NUBPL: variants seen among roughly 807,000 people sequenced by gnomAD.
NUBPL encodes NUBP iron-sulfur cluster assembly factor, mitochondrial.
Under a neutral mutation model 45.7 loss-of-function variants are expected in NUBPL, and 31 were observed. That is an observed-to-expected ratio of 0.68 (90% CI 0.51 to 0.92). NUBPL has a LOEUF of 0.92. NUBPL is among the 40% of genes least tolerant of loss of function. The pLI is 0.00. For missense variants in NUBPL, 401 were observed against 398.7 expected (o/e 1.01, Z -0.05); for synonymous variants, 144 against 140.9 (o/e 1.02, Z -0.15).
At chr14:31,706,425 A>G (rs2037453892) in intron 6 of NUBPL, among the ~76,000 whole-genome samples, 1 of 152,222 alleles carries the variant, frequency 6.6e-6, no homozygotes, top group South Asian at 2.1e-4. Flanking sequence ...AAGAAGGTTA[A>G]AAATACAGGG....
chr14:31,825,009 G>C (rs1280327593), intron 7 of NUBPL, among the ~76,000 whole-genome samples: 1 of 152,084 alleles, frequency 6.6e-6, no homozygotes, highest in Non-Finnish European at 1.5e-5. Context: ...AAGAAAAATT[G>C]TGCTGCACTT....
At chr14:31,859,032 C>G (rs2040669638) in intron 10 of NUBPL, 86 bp from the exon 11 acceptor site, 2 of 1,117,864 alleles carry the variant, frequency 1.8e-6, no homozygotes, top group Admixed American at 1.8e-5. Flanking sequence ...CTATCAAATA[C>G]AGTGGGCCTC....
At chr14:31,766,211 A>T (rs1195569936) in intron 6 of NUBPL, among the ~76,000 whole-genome samples, 20 of 152,228 alleles carry the variant, frequency 1.3e-4, no homozygotes, top group Admixed American at 1.3e-3. Context: ...GGATTTTATG[A>T]GGAGACCAAT....
At chr14:31,824,975 C>T (rs1436676121) in intron 7 of NUBPL, among the ~76,000 whole-genome samples, 1 of 152,128 alleles carries the variant, frequency 6.6e-6, no homozygotes, top group Non-Finnish European at 1.5e-5. Flanking sequence ...CCAATCTTAA[C>T]CAGGCCTTTG....
chr14:31,733,470 A>G (rs1401619127), intron 6 of NUBPL, among the ~76,000 whole-genome samples: 2 of 152,166 alleles, frequency 1.3e-5, no homozygotes, highest in Non-Finnish European at 2.9e-5. Context: ...TGATCCATGA[A>G]TATTATATAT....
intron 7 of NUBPL, among the ~76,000 whole-genome samples, chr14:31,812,039 A>G (rs2039816037): frequency 6.6e-6 from 1 of 152,146 alleles, no homozygotes; most frequent in African/African-American, 2.4e-5. Context: ...ACCTGGCTGT[A>G]TGAGGTGTCA....
At chr14:31,734,516 T>C (rs1280744117) in intron 6 of NUBPL, among the ~76,000 whole-genome samples, 1 of 152,192 alleles carries the variant, frequency 6.6e-6, no homozygotes, top group Non-Finnish European at 1.5e-5. Context: ...CTCAAAAAAA[T>C]TTTTTCTTCA....
chr14:31,603,777 A>G (rs143208192), intron 4 of NUBPL, among the ~76,000 whole-genome samples: 37 of 152,354 alleles, frequency 2.4e-4, no homozygotes, highest in African/African-American at 8.7e-4. Context: ...CATGAAACAT[A>G]AACTTGAAAA....
At chr14:31,669,143 A>G (rs1427404209) in intron 4 of NUBPL, among the ~76,000 whole-genome samples, 3 of 152,220 alleles carry the variant, frequency 2.0e-5, no homozygotes, top group Non-Finnish European at 4.4e-5. Context: ...GACTACAGGC[A>G]TGCACCACTG....
At chr14:31,661,819 C>T (rs1413269680) in intron 4 of NUBPL, among the ~76,000 whole-genome samples, 2 of 152,140 alleles carry the variant, frequency 1.3e-5, no homozygotes, top group Admixed American at 1.3e-4. Context: ...GGATTACAGG[C>T]GTGAGCCACT....
intron 6 of NUBPL, among the ~76,000 whole-genome samples, chr14:31,755,031 T>C (rs1029753963): frequency 5.9e-5 from 9 of 151,934 alleles, no homozygotes; most frequent in African/African-American, 1.7e-4. Context: ...CATGAACTCA[T>C]CGTTTTTTAT....
At chr14:31,743,929 G>A (rs1208031976) in intron 6 of NUBPL, among the ~76,000 whole-genome samples, 1 of 152,154 alleles carries the variant, frequency 6.6e-6, no homozygotes, top group Non-Finnish European at 1.5e-5. Flanking sequence ...AGTGGCTCTT[G>A]CTATGTCTCT....
intron 6 of NUBPL, among the ~76,000 whole-genome samples, chr14:31,725,526 A>G (rs1486017171): frequency 6.6e-6 from 1 of 152,134 alleles, no homozygotes; most frequent in Non-Finnish European, 1.5e-5. Flanking sequence ...CTTATGTTTC[A>G]TATACACTTT....
chr14:31,682,299 A>T (rs2036853342), intron 6 of NUBPL, among the ~76,000 whole-genome samples: 1 of 152,118 alleles, frequency 6.6e-6, no homozygotes, highest in Non-Finnish European at 1.5e-5. Flanking sequence ...TAAATTCTTC[A>T]TATTGAAGTC....
At chr14:31,608,434 G>A (rs949233496) in intron 4 of NUBPL, among the ~76,000 whole-genome samples, 2 of 151,974 alleles carry the variant, frequency 1.3e-5, no homozygotes, top group Non-Finnish European at 2.9e-5. Flanking sequence ...GGCGCCTGTA[G>A]TCCCAGCTAC....
At chr14:31,610,608 C>CAAAAAAAAAAAAAAAAAAAAAAAAAAAAA (rs775656176) in intron 4 of NUBPL, among the ~76,000 whole-genome samples, 4 of 94,702 alleles carry the variant, frequency 4.2e-5, no homozygotes, top group Non-Finnish European at 5.9e-5. Flanking sequence ...AAAGATACAT[C>CAAAAAAAAAAAAAAAAAAAAAAAAAAAAA]AAAAAAAAAA....
rs965731733 is a variant in NUBPL at position 31,669,799 on chromosome 14, TTTTTTTTTTG to T, written c.383-3546_383-3537del. On this transcript the variant is annotated intron_variant, in intron 4 of 10. Coordinates refer to ENST00000281081, the MANE Select transcript of NUBPL (RefSeq NM_025152.3). Reference sequence around the variant, plus strand: ...TTCCTGCAAAAGACATGATCTTGGTTTTTTTTTTTGTTTTTTTTTTTTTACGGCTGCCTAG... The same window carrying T: ...TTCCTGCAAAAGACATGATCTTGGTTTTTTTTTTTTTTTACGGCTGCCTAG... Among the ~76,000 whole-genome samples, 10 of 47,856 alleles carry T rather than the reference TTTTTTTTTTG, an allele frequency of 2.1e-4. 2 individuals carry two copies. Among genetic ancestry groups the T allele is most frequent in the Admixed American group, 9.6e-4 (4 of 4,152 alleles). 31.4% of individuals were successfully genotyped at this position (47,856 alleles called of 152,430 possible). A position where few individuals can be genotyped will look rare whatever the true frequency, so the allele number is the denominator to read the frequency against.
chr14:31,688,272 T>C (rs1318557470), intron 6 of NUBPL, among the ~76,000 whole-genome samples: 2 of 152,112 alleles, frequency 1.3e-5, no homozygotes, highest in South Asian at 2.1e-4. Context: ...GATGAGTTCG[T>C]GGACATCATT....
intron 4 of NUBPL, among the ~76,000 whole-genome samples, chr14:31,635,995 G>C (rs1338608459): frequency 6.6e-6 from 1 of 152,180 alleles, no homozygotes; most frequent in African/African-American, 2.4e-5. Flanking sequence ...TTTGGGCTGA[G>C]ACAATGGGGT....
Sources: allele counts gnomAD v4.1 joint callset (sites outside exome capture counted in the v4.1 genomes callset), GRCh38; gene constraint gnomAD v4.1.1; transcripts MANE v1.5; gene names NCBI Gene and HGNC (gene_info 2026-07-23, HGNC 2026-07-21).